Variants in MBTPS2 observed in about 807,000 individuals in gnomAD.
MBTPS2 encodes membrane-bound transcription factor site-2 protease.
Under a neutral mutation model 35.4 loss-of-function variants are expected in MBTPS2, and 2 were observed. That is an observed-to-expected ratio of 0.06 (90% CI 0.02 to 0.18). The LOEUF (loss-of-function observed/expected upper bound fraction) is 0.18. Ranked by LOEUF, MBTPS2 falls within the 10% of genes least tolerant of loss-of-function variation. The pLI, the probability that MBTPS2 is intolerant of heterozygous loss-of-function variation, is 1.00. For synonymous variants in MBTPS2, 125 were observed against 140.4 expected, an observed-to-expected ratio of 0.89 and a Z score of 0.77; for missense variants, 244 against 386.5, an observed-to-expected ratio of 0.63 and a Z score of 3.09.
rs189134208 is a variant in MBTPS2 at position 21,883,426 on chromosome X, T to C, written c.*771T>C. 2.8e-4 allele frequency: 210 copies of C among 752,594 alleles called. 1 individual carries two copies. Among genetic ancestry groups the C allele is most frequent in the Non-Finnish European group, 3.2e-4 (205 of 639,329 alleles). 62.0% of individuals were successfully genotyped at this position (752,594 alleles called of 1,213,427 possible). ...GCAGCATGTGAGCAGAGGGAGGCAG[T>C]TGGGGTTGAACTTCGGAACTAGGCC... On this transcript the variant is annotated 3_prime_UTR_variant, in exon 11 of 11. Coordinates refer to ENST00000379484, the MANE Select transcript of MBTPS2 (RefSeq NM_015884.4).
In MBTPS2 at chrX:21,856,359, G is replaced by C. The variant is rs2013170; in HGVS notation, c.670+2856G>C. 8.5e-5 allele frequency: 44 copies of C among 516,875 alleles called. No homozygotes were observed. In the African/African-American group the frequency reaches 8.8e-4, roughly 10 times the overall value. The allele number at this position is 516,875 out of a possible 1,213,427, so 42.6% of individuals were successfully genotyped here. A position where few individuals can be genotyped will look rare whatever the true frequency, so the allele number is the denominator to read the frequency against. ...GCTCGCGCCTTTCTCTGCAGCTCGCGCCTTTCTCTGCAGCTCGCCCCTTCC... is the reference window on the plus strand; with the variant it reads ...GCTCGCGCCTTTCTCTGCAGCTCGCCCCTTTCTCTGCAGCTCGCCCCTTCC... On this transcript the variant is annotated intron_variant, in intron 5 of 10. Transcript: ENST00000379484.
At chrX:21,853,537 G>T (rs1300202163) in intron 5 of MBTPS2, 34 bp downstream of exon 5, 1 of 1,188,301 alleles carries the variant, frequency 8.4e-7, no homozygotes, top group Non-Finnish European at 1.1e-6. Context: ...ATATTCATCT[G>T]TGGTTTTGGT....
intron 9 of MBTPS2, among the ~76,000 whole-genome samples, chrX:21,879,374 G>T: frequency 9.0e-6 from 1 of 110,992 alleles, no homozygotes; most frequent in Middle Eastern, 4.7e-3. Context: ...TCCACACCTC[G>T]GGCTCAAGTG....
At position 21,869,676 on chromosome X, in the gene MBTPS2, G is replaced by T. The variant is rs775328244; in HGVS notation, c.968G>T (p.Arg323Ile). The change falls in exon 7 of 11, where the codon AGA becomes ATA. Residue 323 changes from arginine to isoleucine, a missense_variant and splice_region_variant. By Grantham distance (97) the Arg-to-Ile change is moderately conservative. Transcript: ENST00000379484. The stretch of plus-strand genomic sequence containing the variant: ...TTACAGCAGTTAAGTTTCCCAGTTA[G>T]AGGTGTGTATATTTCCTCAATATAA... Reference protein sequence around the residue: ...STLQQLSFPVRAYKRLDGSTE... With the variant: ...STLQQLSFPVIAYKRLDGSTE... 1.7e-6 allele frequency: 2 copies of T among 1,194,715 alleles called. No individual in the cohort carries two copies. The highest frequency in any genetic ancestry group is 3.5e-5 in the African/African-American group (2 of 56,866).
intron 1 of MBTPS2, among the ~76,000 whole-genome samples, chrX:21,842,855 G>A (rs947297309): frequency 2.7e-5 from 3 of 111,152 alleles, no homozygotes; most frequent in South Asian, 3.8e-4. Context: ...GGTCTCTGTC[G>A]CATATTTTTG....
intron 1 of MBTPS2, among the ~76,000 whole-genome samples, chrX:21,842,429 AG>A (rs1415112355): frequency 9.1e-6 from 1 of 110,226 alleles, no homozygotes; most frequent in Non-Finnish European, 1.9e-5. Context: ...TTGGATTGGT[AG>A]GGTTTTTTTT....
intron 2 of MBTPS2, among the ~76,000 whole-genome samples, chrX:21,844,598 T>A (rs2147428912): frequency 8.9e-6 from 1 of 112,769 alleles, no homozygotes; most frequent in African/African-American, 3.2e-5. Flanking sequence ...AAGAAAATTC[T>A]ATGCCTATAA....
chrX:21,850,004 G>T (rs1312480478), intron 3 of MBTPS2, among the ~76,000 whole-genome samples: 1 of 99,252 alleles, frequency 1.0e-5, no homozygotes, highest in Non-Finnish European at 2.0e-5. Flanking sequence ...TCCAGCCTGG[G>T]CGACAGAGCG....
intron 7 of MBTPS2, among the ~76,000 whole-genome samples, chrX:21,876,956 T>C (rs1219849141): frequency 9.0e-6 from 1 of 111,405 alleles, no homozygotes; most frequent in Non-Finnish European, 1.9e-5. Flanking sequence ...CACATCTGAG[T>C]ATGGTAGTTT....
rs1159009694 is a variant in MBTPS2 at position 21,882,972 on chromosome X, A to G, written c.*317A>G. On this transcript the variant is annotated 3_prime_UTR_variant, in exon 11 of 11. Coordinates refer to ENST00000379484, the MANE Select transcript of MBTPS2 (RefSeq NM_015884.4). ...GTCTGATTACATATTGTGTTGAAAT[A>G]GTATAAAGGAGAACAGAACTGGGTG... The G allele has an allele frequency of 1.1e-6, 1 of 905,886 alleles. No individual in the cohort carries two copies. Among genetic ancestry groups the G allele is most frequent in the East Asian group, 6.0e-5 (1 of 16,679 alleles). The allele number at this position is 905,886 out of a possible 1,213,427, so 74.7% of individuals were successfully genotyped here. A position where few individuals can be genotyped will look rare whatever the true frequency, so the allele number is the denominator to read the frequency against.
At chrX:21,866,264 A>G (rs2092939627) in intron 5 of MBTPS2, among the ~76,000 whole-genome samples, 1 of 111,344 alleles carries the variant, frequency 9.0e-6, no homozygotes, top group African/African-American at 3.2e-5. Flanking sequence ...GAAGAAAGCA[A>G]AAAAGGCATT....
intron 7 of MBTPS2, among the ~76,000 whole-genome samples, chrX:21,874,402 T>G (rs1034494195): frequency 1.8e-5 from 2 of 111,131 alleles, no homozygotes; most frequent in African/African-American, 6.6e-5. Flanking sequence ...GAACTGAGAA[T>G]AAATAGGCTT....
rs761352882 is a variant in MBTPS2 at position 21,874,232 on chromosome X, C to G, written c.971-3810C>G. Among the ~76,000 whole-genome samples, 4 of 106,732 alleles carry G rather than the reference C, an allele frequency of 3.7e-5. No individual in the cohort carries two copies. In the East Asian group the frequency reaches 8.9e-4, roughly 24 times the overall value. The allele number at this position is 106,732 out of a possible 115,157, so 92.7% of individuals were successfully genotyped here. On this transcript the variant is annotated intron_variant, in intron 7 of 10. Coordinates refer to ENST00000379484, the MANE Select transcript of MBTPS2 (RefSeq NM_015884.4). ...TAGAGACAGGGTTTCACCATGTTGG[C>G]CAGGCTGTTCTCAAACTCCTGACCT...
chrX:21,839,773 C>A lies in MBTPS2; in HGVS notation c.39C>A (p.Gly13=). ...CGCTGGTGGTGGTGGTGGTGGGTGG[C>A]TGGACTGTCGTCTACCTGACCGACT... ...PVSLVVVVVG[G]WTVVYLTDLV... is the part of the protein sequence containing the mutation. The change falls in exon 1 of 11, where the codon GGC becomes GGA. Residue 13 remains glycine, a synonymous_variant. Coordinates refer to ENST00000379484, the MANE Select transcript of MBTPS2 (RefSeq NM_015884.4). The A allele has an allele frequency of 8.4e-7, 1 of 1,195,386 alleles. No homozygotes were observed. Among genetic ancestry groups the A allele is most frequent in the Admixed American group, 2.3e-5 (1 of 43,809 alleles).
chrX:21,851,414 G>A, intron 3 of MBTPS2, 95 bp from the exon 4 acceptor site: 3 of 575,980 alleles, frequency 5.2e-6, no homozygotes, highest in South Asian at 2.2e-5. Flanking sequence ...CAGCTTGAAG[G>A]TTTAATACAG....
chrX:21,841,690 C>G (rs966356572), intron 1 of MBTPS2: 1 of 111,833 alleles, frequency 8.9e-6, no homozygotes, highest in African/African-American at 3.3e-5. Flanking sequence ...ATAAAAAGAA[C>G]TTTTACAGTC....
chrX:21,847,726 T>C (rs1602138485), intron 3 of MBTPS2, among the ~76,000 whole-genome samples: 1 of 112,229 alleles, frequency 8.9e-6, no homozygotes, highest in South Asian at 3.7e-4. Context: ...TTTTGTGATA[T>C]AGAGGGTATG....
chrX:21,868,381 C>G, intron 5 of MBTPS2, 86 bp from the exon 6 acceptor site: 3 of 610,495 alleles, frequency 4.9e-6, no homozygotes, highest in Non-Finnish European at 8.6e-6. Flanking sequence ...ATTAATTTAT[C>G]AGAATGCCCA....
At chrX:21,851,764 G>A (rs2092914988) in intron 4 of MBTPS2, 152 bp downstream of exon 4, 2 of 469,743 alleles carry the variant, frequency 4.3e-6, no homozygotes, top group Non-Finnish European at 7.5e-6. Flanking sequence ...TTACTTTGAG[G>A]AAGCTTCTTT....
Sources: allele counts gnomAD v4.1 joint callset (sites outside exome capture counted in the v4.1 genomes callset), GRCh38; gene constraint gnomAD v4.1.1; transcripts MANE v1.5; gene names NCBI Gene and HGNC (gene_info 2026-07-23, HGNC 2026-07-21).